Variants in LAMA2 observed in about 807,000 individuals in gnomAD.
LAMA2 encodes the protein laminin subunit alpha-2.
In LAMA2, 269 loss-of-function variants were observed where a neutral mutation model predicts 364.8. The observed-to-expected ratio is 0.74, with a 90% CI of 0.67 to 0.82. The LOEUF (loss-of-function observed/expected upper bound fraction) is 0.82, where lower values mean the gene tolerates loss of function less well. LAMA2 is among the 40% of genes least tolerant of loss of function. The pLI, the probability that LAMA2 is intolerant of heterozygous loss-of-function variation, is 0.00. For missense variants in LAMA2, 3,807 were observed against 3,873.2 expected (o/e 0.98, Z 0.45); for synonymous variants, 1,379 against 1,370.6 (o/e 1.01, Z -0.14).
intron 32 of LAMA2, among the ~76,000 whole-genome samples, chr6:129,363,769 G>T (rs1056077575): frequency 6.6e-6 from 1 of 152,194 alleles, no homozygotes; most frequent in Non-Finnish European, 1.5e-5. Flanking sequence ...CCTACTGGTG[G>T]TTCTGAGGCC....
chr6:128,996,058 A>G lies in LAMA2; in HGVS notation c.113-53860A>G, dbSNP rs139612361. Among the ~76,000 whole-genome samples the G allele has an allele frequency of 6.6e-5, 10 of 152,350 alleles. No individual in the cohort carries two copies. The East Asian group carries it at 1.7e-3, about 26-fold the overall frequency. ...ATGGATCTTATAAATCTAATGCAGG[A>G]GGCAGACAGTAACTAAACAATATAA... On this transcript the variant is annotated intron_variant, in intron 1 of 64. Transcript: ENST00000421865.
At chr6:129,287,493 T>C (rs867377341) in intron 18 of LAMA2, among the ~76,000 whole-genome samples, 29 of 152,206 alleles carry the variant, frequency 1.9e-4, no homozygotes, top group African/African-American at 6.3e-4. Flanking sequence ...AAATAACCAA[T>C]TGGAGTAGAG....
At chr6:129,491,772 TA>T in intron 56 of LAMA2, 128 bp from the exon 57 acceptor site, 1 of 746,136 alleles carries the variant, frequency 1.3e-6, no homozygotes, top group Non-Finnish European at 2.3e-6. Flanking sequence ...GTAGAATTCC[TA>T]AGCATCCAAT....
intron 8 of LAMA2, among the ~76,000 whole-genome samples, chr6:129,162,085 C>T (rs1357962794): frequency 6.6e-6 from 1 of 152,146 alleles, no homozygotes; most frequent in Non-Finnish European, 1.5e-5. Context: ...CAACGGCTTC[C>T]CACAGTGTCT....
intron 17 of LAMA2, among the ~76,000 whole-genome samples, chr6:129,275,149 A>G (rs1046251728): frequency 7.2e-5 from 11 of 152,166 alleles, no homozygotes; most frequent in African/African-American, 2.6e-4. Context: ...CGTTGTTAAA[A>G]TTAATATAGA....
intron 1 of LAMA2, among the ~76,000 whole-genome samples, chr6:128,955,550 A>G (rs1781090231): frequency 6.6e-6 from 1 of 152,000 alleles, no homozygotes; most frequent in Non-Finnish European, 1.5e-5. Context: ...ATATTTTTAA[A>G]AATAGAATAA....
At chr6:129,044,079 T>A (rs1394771917) in intron 1 of LAMA2, among the ~76,000 whole-genome samples, 1 of 152,178 alleles carries the variant, frequency 6.6e-6, no homozygotes, top group East Asian at 1.9e-4. Context: ...TTAGCCATTC[T>A]GGAGCTCATC....
At chr6:129,322,375 G>T (rs566974528) in intron 28 of LAMA2, among the ~76,000 whole-genome samples, 3 of 152,336 alleles carry the variant, frequency 2.0e-5, no homozygotes, top group African/African-American at 7.2e-5. Context: ...TGGCACATAT[G>T]AAATGAGTGA....
At chr6:128,929,866 C>G (rs1318768967) in intron 1 of LAMA2, 1 of 973,298 alleles carries the variant, frequency 1.0e-6, no homozygotes, top group Non-Finnish European at 1.6e-6. Flanking sequence ...AAGACTTCCA[C>G]GAGTGAAGAT....
chr6:129,251,790 C>T (rs911359688), intron 13 of LAMA2, among the ~76,000 whole-genome samples: 2 of 152,038 alleles, frequency 1.3e-5, no homozygotes, highest in African/African-American at 4.8e-5. Flanking sequence ...AAAAAATTAG[C>T]CAGGCTTGGT....
intron 36 of LAMA2, among the ~76,000 whole-genome samples, chr6:129,392,228 C>T (rs944384154): frequency 2.6e-5 from 4 of 152,102 alleles, no homozygotes; most frequent in Admixed American, 1.3e-4. Flanking sequence ...TTTATGATAA[C>T]GCACTCAATA....
At chr6:129,225,261 T>C (rs919962830) in intron 12 of LAMA2, among the ~76,000 whole-genome samples, 10 of 152,210 alleles carry the variant, frequency 6.6e-5, no homozygotes, top group Admixed American at 2.0e-4. Flanking sequence ...TCTATCAATT[T>C]TGTTGATCTT....
intron 48 of LAMA2, among the ~76,000 whole-genome samples, chr6:129,457,588 T>C (rs760431238): frequency 1.3e-5 from 2 of 152,106 alleles, no homozygotes; most frequent in Non-Finnish European, 2.9e-5. Context: ...CAATAATACA[T>C]TTTTTAATAT....
At chr6:129,370,373 A>G (rs546592726) in intron 34 of LAMA2, among the ~76,000 whole-genome samples, 4 of 152,362 alleles carry the variant, frequency 2.6e-5, no homozygotes, top group Admixed American at 1.3e-4. Context: ...GGATTTTTGC[A>G]TTAGTATAGA....
intron 10 of LAMA2, among the ~76,000 whole-genome samples, chr6:129,186,965 C>T (rs531688721): frequency 1.3e-5 from 2 of 151,386 alleles, no homozygotes; most frequent in South Asian, 2.1e-4. Context: ...AGTTGATGAA[C>T]GAATAATATA....
chr6:129,061,380 ATTTG>A (rs2114798476), intron 3 of LAMA2, among the ~76,000 whole-genome samples: 1 of 152,290 alleles, frequency 6.6e-6, no homozygotes, highest in East Asian at 1.9e-4. Flanking sequence ...TATTAATATA[ATTTG>A]CACAAATCAC....
chr6:129,194,675 G>GT (rs770537285), intron 12 of LAMA2, among the ~76,000 whole-genome samples: 4 of 152,138 alleles, frequency 2.6e-5, no homozygotes, highest in Non-Finnish European at 5.9e-5. Flanking sequence ...TTAATGTAAC[G>GT]TGGAAGCCCT....
chr6:129,059,539 G>A (rs1445601808), intron 2 of LAMA2, among the ~76,000 whole-genome samples: 3 of 152,248 alleles, frequency 2.0e-5, no homozygotes, highest in African/African-American at 7.2e-5. Context: ...CCAGAGTGCT[G>A]ACCAGCTCAT....
intron 37 of LAMA2, among the ~76,000 whole-genome samples, chr6:129,397,085 C>A (rs974121074): frequency 1.3e-5 from 2 of 151,006 alleles, no homozygotes; most frequent in African/African-American, 4.9e-5. Flanking sequence ...CACCAACACA[C>A]CAAAAAAAAA....
Sources: allele counts gnomAD v4.1 joint callset (sites outside exome capture counted in the v4.1 genomes callset), GRCh38; gene constraint gnomAD v4.1.1; transcripts MANE v1.5; gene names NCBI Gene and HGNC (gene_info 2026-07-23, HGNC 2026-07-21).